Variants in STX3 observed in about 807,000 individuals in gnomAD.
The protein encoded by STX3 is syntaxin-3.
A neutral mutation model predicts 40.2 loss-of-function variants in STX3; 19 were observed. The observed-to-expected ratio is 0.47, with a 90% CI of 0.33 to 0.69. The LOEUF (loss-of-function observed/expected upper bound fraction) is 0.69. Ranked by LOEUF, STX3 falls within the 30% of genes least tolerant of loss-of-function variation. The pLI, the probability that STX3 is intolerant of heterozygous loss-of-function variation, is 0.02. For synonymous variants in STX3, 122 were observed against 132.2 expected (o/e 0.92, Z 0.53); for missense variants, 364 against 366.7 (o/e 0.99, Z 0.06).
At chr11:59,788,793 C>T in intron 3 of STX3, 80 bp from the exon 4 acceptor site, 1 of 1,256,030 alleles carries the variant, frequency 8.0e-7, no homozygotes, top group East Asian at 2.4e-5. Flanking sequence ...AGCTCCCCTC[C>T]TCTGATGATG....
intron 1 of STX3, among the ~76,000 whole-genome samples, chr11:59,765,332 G>A (rs939907348): frequency 6.6e-6 from 1 of 152,104 alleles, no homozygotes; most frequent in African/African-American, 2.4e-5. Flanking sequence ...CAGAATTTCT[G>A]GCTCTTTAAA....
intron 2 of STX3, among the ~76,000 whole-genome samples, chr11:59,773,918 C>T (rs763876574): frequency 1.2e-3 from 178 of 149,382 alleles, no homozygotes; most frequent in Admixed American, 1.5e-3. Context: ...TGCAGTGAGC[C>T]GAGATCGCAC....
intron 1 of STX3, among the ~76,000 whole-genome samples, chr11:59,767,557 G>C (rs1403679010): frequency 6.6e-6 from 1 of 152,180 alleles, no homozygotes; most frequent in Non-Finnish European, 1.5e-5. Flanking sequence ...GAGATTGGTT[G>C]AGCTTGCTCT....
chr11:59,784,719 T>C (rs1864641292), intron 2 of STX3, among the ~76,000 whole-genome samples: 1 of 152,150 alleles, frequency 6.6e-6, no homozygotes, highest in Admixed American at 6.5e-5. Flanking sequence ...CTTACTATCA[T>C]GAGAACAGCA....
At chr11:59,767,277 G>T (rs1863327249) in intron 1 of STX3, among the ~76,000 whole-genome samples, 1 of 152,180 alleles carries the variant, frequency 6.6e-6, no homozygotes, top group Admixed American at 6.5e-5. Context: ...TGGGCGAGAG[G>T]CATCTGGAGG....
chr11:59,789,070 T>C, intron 4 of STX3, 123 bp downstream of exon 4: 1 of 863,896 alleles, frequency 1.2e-6, no homozygotes, highest in Non-Finnish European at 1.8e-6. Context: ...CCATCTTTGC[T>C]TGTGGTTTGG....
At chr11:59,795,981 A>C (rs1443741839) in intron 9 of STX3, among the ~76,000 whole-genome samples, 1 of 152,132 alleles carries the variant, frequency 6.6e-6, no homozygotes, top group Non-Finnish European at 1.5e-5. Flanking sequence ...TGGTGCTGCT[A>C]ATCTTCTCCT....
chr11:59,786,921 C>T, intron 2 of STX3, 116 bp from the exon 3 acceptor site: 1 of 816,028 alleles, frequency 1.2e-6, no homozygotes, highest in African/African-American at 1.7e-5. Context: ...TCATTATCTT[C>T]TTCCACAAAC....
intron 2 of STX3, among the ~76,000 whole-genome samples, chr11:59,774,281 C>G (rs1011469852): frequency 6.6e-5 from 10 of 151,970 alleles, no homozygotes; most frequent in African/African-American, 1.7e-4. Flanking sequence ...CATGAACGTT[C>G]CTTAACAATC....
chr11:59,787,629 C>T (rs1287740045), intron 3 of STX3, among the ~76,000 whole-genome samples: 2 of 152,162 alleles, frequency 1.3e-5, no homozygotes, highest in African/African-American at 2.4e-5. Context: ...TTTTTCTCCC[C>T]TAATTGTTTG....
intron 1 of STX3, among the ~76,000 whole-genome samples, chr11:59,757,612 G>A (rs1862791269): frequency 1.3e-5 from 2 of 152,194 alleles, no homozygotes; most frequent in African/African-American, 4.8e-5. Context: ...GACTGGAGAT[G>A]GTGGTGGTAT....
Position 59,803,524 on chromosome 11 carries a change from T to C in STX3, c.*2700T>C, listed in dbSNP as rs556066205. ...AGACAGAAGGTGGCAATCTGTCCTA[T>C]AACCTGGTGTGGCAGAATGCTTTGT... On this transcript the variant is annotated 3_prime_UTR_variant, in exon 11 of 11. Coordinates refer to ENST00000337979, the MANE Select transcript of STX3 (RefSeq NM_004177.5). Among the ~76,000 whole-genome samples the C allele has an allele frequency of 2.0e-5, 3 of 152,320 alleles. No individual in the cohort carries two copies. The highest frequency in any genetic ancestry group is 2.1e-4 in the South Asian group (1 of 4,826).
intron 2 of STX3, 60 bp from the exon 3 acceptor site, chr11:59,786,977 C>A: frequency 6.8e-7 from 1 of 1,465,846 alleles, no homozygotes; most frequent in Non-Finnish European, 9.5e-7. Flanking sequence ...AAACGTTTAT[C>A]TCAGCCATGG....
chr11:59,757,619 G>A (rs918016478), intron 1 of STX3, among the ~76,000 whole-genome samples: 2 of 152,190 alleles, frequency 1.3e-5, no homozygotes, highest in Non-Finnish European at 2.9e-5. Flanking sequence ...GATGGTGGTG[G>A]TATTATGGGA....
chr11:59,795,664 C>T (rs746523620), intron 9 of STX3, 182 bp downstream of exon 9: 14 of 1,537,212 alleles, frequency 9.1e-6, no homozygotes, highest in African/African-American at 8.2e-5. Flanking sequence ...TGGAGCGGGC[C>T]GTGGCAGATA....
chr11:59,770,291 A>G (rs1374250809), intron 1 of STX3, among the ~76,000 whole-genome samples: 1 of 118,094 alleles, frequency 8.5e-6, no homozygotes. Flanking sequence ...TGTGGAGTGT[A>G]TGTGTGTAGG....
intron 2 of STX3, 152 bp downstream of exon 2, chr11:59,773,446 A>T: frequency 1.5e-6 from 1 of 659,748 alleles, no homozygotes; most frequent in Non-Finnish European, 2.6e-6. Flanking sequence ...TTAAAATAAC[A>T]TTATTTTCAA....
At chr11:59,794,911 T>C (rs568253423) in intron 8 of STX3, among the ~76,000 whole-genome samples, 1 of 152,340 alleles carries the variant, frequency 6.6e-6, no homozygotes, top group African/African-American at 2.4e-5. Flanking sequence ...CAGGCACTCT[T>C]CTGCAGTTAG....
At chr11:59,772,995 A>G (rs1863743271) in intron 1 of STX3, among the ~76,000 whole-genome samples, 1 of 151,750 alleles carries the variant, frequency 6.6e-6, no homozygotes, top group Non-Finnish European at 1.5e-5. Context: ...ACACACACAC[A>G]CACACACACA....
Sources: gnomAD v4.1 joint callset for allele counts (sites outside exome capture counted in the v4.1 genomes callset) on GRCh38, gnomAD v4.1.1 for gene constraint, MANE v1.5 for transcripts, NCBI Gene and HGNC (gene_info 2026-07-23, HGNC 2026-07-21) for gene names.